Variants in DMD observed in about 807,000 individuals in gnomAD.
DMD encodes the protein dystrophin.
In DMD, 63 loss-of-function variants were observed where a neutral mutation model predicts 330.1. The observed-to-expected ratio is 0.19, with a 90% CI of 0.16 to 0.24. The LOEUF (loss-of-function observed/expected upper bound fraction) is 0.24. DMD is among the 10% of genes least tolerant of loss of function. DMD has a pLI of 1.00. For synonymous variants in DMD, 1,223 were observed against 959.8 expected, an observed-to-expected ratio of 1.27 and a Z score of -5.07; for missense variants, 3,344 against 2,684.1, an observed-to-expected ratio of 1.25 and a Z score of -5.43.
At chrX:32,647,816 C>T (rs182581031) in intron 9 of DMD, among the ~76,000 whole-genome samples, 37 of 111,815 alleles carry the variant, frequency 3.3e-4, no homozygotes, top group African/African-American at 1.1e-3. Context: ...GCATAAATTG[C>T]CCCAAGATTA....
rs1039281632 is a variant in DMD, at chrX:32,464,713, C to G, written c.3163-14G>C. 4 of 1,075,260 alleles carry G rather than the reference C, an allele frequency of 3.7e-6. No individual in the cohort carries two copies. The highest frequency in any genetic ancestry group is 5.2e-6 in the Non-Finnish European group (4 of 773,081). 88.6% of individuals were successfully genotyped at this position (1,075,260 alleles called of 1,213,427 possible). A position where few individuals can be genotyped will look rare whatever the true frequency, so the allele number is the denominator to read the frequency against. ...TTGTATGTGATTCTGAAACGAGACC[C>G]GTTATAAGGCATTACTGGTGTGCTG... On this transcript the variant is annotated splice_polypyrimidine_tract_variant and intron_variant, in intron 23 of 78. Transcript: ENST00000357033.
intron 9 of DMD, among the ~76,000 whole-genome samples, chrX:32,650,757 G>A (rs2060095482): frequency 8.9e-6 from 1 of 111,909 alleles, no homozygotes; most frequent in African/African-American, 3.2e-5. Context: ...CCCTAATGAG[G>A]ATTTAGGAAA....
At chrX:32,006,838 C>G (rs1243916629) in intron 44 of DMD, among the ~76,000 whole-genome samples, 3 of 109,581 alleles carry the variant, frequency 2.7e-5, no homozygotes, top group Non-Finnish European at 5.7e-5. Flanking sequence ...CAATGATAGA[C>G]TGGATTAAGA....
intron 1 of DMD, among the ~76,000 whole-genome samples, chrX:33,070,363 C>T (rs1412769378): frequency 2.7e-5 from 3 of 109,983 alleles, no homozygotes; most frequent in Non-Finnish European, 5.7e-5. Flanking sequence ...CTGGCATTCC[C>T]AGCACTATGA....
chrX:33,220,393 A>G (rs1205948807), intron 1 of DMD, among the ~76,000 whole-genome samples: 1 of 111,808 alleles, frequency 8.9e-6, no homozygotes, highest in African/African-American at 3.3e-5. Flanking sequence ...GGATGAATAG[A>G]TCCTACGCAA....
At chrX:32,491,612 A>G (rs190893608) in intron 19 of DMD, 94 bp from the exon 20 acceptor site, 113 of 847,378 alleles carry the variant, frequency 1.3e-4, no homozygotes, top group Non-Finnish European at 1.9e-4. Context: ...AAAAGTATTC[A>G]CCACATGAAT....
At chrX:31,726,935 A>T (rs980058777) in intron 52 of DMD, among the ~76,000 whole-genome samples, 7 of 111,989 alleles carry the variant, frequency 6.3e-5, no homozygotes, top group African/African-American at 2.3e-4. Context: ...AGAACTATTC[A>T]AATCACTGAA....
intron 48 of DMD, among the ~76,000 whole-genome samples, chrX:31,870,211 C>A (rs1256317017): frequency 8.9e-6 from 1 of 111,874 alleles, no homozygotes. Flanking sequence ...TAGACCTGAC[C>A]TTCCTTTTCT....
At chrX:33,006,329 T>C (rs2093395520) in intron 2 of DMD, among the ~76,000 whole-genome samples, 1 of 111,705 alleles carries the variant, frequency 9.0e-6, no homozygotes, top group Non-Finnish European at 1.9e-5. Context: ...AAACTGACAC[T>C]ATCTGACTAC....
intron 7 of DMD, among the ~76,000 whole-genome samples, chrX:32,728,032 CAATA>C (rs1019553439): frequency 7.2e-5 from 8 of 111,480 alleles, no homozygotes; most frequent in African/African-American, 2.6e-4. Flanking sequence ...CTCTATCAAT[CAATA>C]TTTTCAGAAA....
chrX:32,296,479 T>C (rs1424086286), intron 42 of DMD, among the ~76,000 whole-genome samples: 1 of 111,363 alleles, frequency 9.0e-6, no homozygotes, highest in African/African-American at 3.3e-5. Context: ...ATCTTCAACA[T>C]CCAATTACTA....
intron 16 of DMD, among the ~76,000 whole-genome samples, chrX:32,550,950 C>T (rs148481317): frequency 9.0e-6 from 1 of 110,866 alleles, no homozygotes; most frequent in East Asian, 2.9e-4. Flanking sequence ...GAAATGGAAT[C>T]ATTGAACAGA....
chrX:31,530,647 C>CTTTTTTTTTTTTTTTTTTTTTTTTAT (rs1192286078), intron 55 of DMD, among the ~76,000 whole-genome samples: 1 of 49,845 alleles, frequency 2.0e-5, no homozygotes, highest in Admixed American at 2.6e-4. Context: ...ACTGGTTTCT[C>CTTTTTTTTTTTTTTTTTTTTTTTTAT]TTTTTTTTTT....
Position 32,380,824 on chromosome X carries a change from T to C in DMD, c.4675-144A>G, listed in dbSNP as rs752760814. 13 of 516,130 alleles carry C rather than the reference T, an allele frequency of 2.5e-5. No individual in the cohort carries two copies. The African/African-American group carries it at 2.9e-4, about 11-fold the overall frequency. The allele number at this position is 516,130 out of a possible 1,213,427, so 42.5% of individuals were successfully genotyped here. A position where few individuals can be genotyped will look rare whatever the true frequency, so the allele number is the denominator to read the frequency against. Reference sequence around the variant, plus strand: ...TTAAAATAATATTTTATAAAAATCATATATTCTGAATATTAAGAGTGAATA... The same window carrying C: ...TTAAAATAATATTTTATAAAAATCACATATTCTGAATATTAAGAGTGAATA... On this transcript the variant is annotated intron_variant, in intron 33 of 78. Transcript: ENST00000357033.
chrX:32,303,533 T>C (rs1296487716), intron 42 of DMD, among the ~76,000 whole-genome samples: 1 of 111,470 alleles, frequency 9.0e-6, no homozygotes, highest in Non-Finnish European at 1.9e-5. Context: ...CTAGGCACTA[T>C]TGTCGTCATA....
chrX:31,622,167 C>G (rs758468258), intron 55 of DMD, among the ~76,000 whole-genome samples: 1 of 111,533 alleles, frequency 9.0e-6, no homozygotes, highest in African/African-American at 3.3e-5. Context: ...TCTCATAATG[C>G]TATTATAATT....
chrX:31,967,751 G>T (rs1431743802), intron 45 of DMD, among the ~76,000 whole-genome samples: 1 of 111,494 alleles, frequency 9.0e-6, no homozygotes, highest in East Asian at 2.8e-4. Flanking sequence ...GCACGCATTT[G>T]GCTTTCTGTG....
At position 31,968,320 on chromosome X, in the gene DMD, A is replaced by G. The variant is rs2095368958; in HGVS notation, c.6614+19T>C. 1 of 1,207,435 alleles carries G rather than the reference A, an allele frequency of 8.3e-7. No individual in the cohort carries two copies. On this transcript the variant is annotated intron_variant, in intron 45 of 78. Transcript: ENST00000357033. ...AGTCTGCTAAAATGTTTTCATTCCT[A>G]TTAGATCTGTCGCCCTACCTCTTTT... is the stretch of plus-strand genomic sequence containing the variant.
At position 33,293,449 on chromosome X, in the gene DMD, G is replaced by A. The variant is rs766990132; in HGVS notation, c.7+45810C>T. On this transcript the variant is annotated intron_variant, in intron 1 of 17. Transcript: ENST00000288447. Reference sequence around the variant, plus strand: ...CATACAACTTCCATTTTGTAGTCCAGATGGCTATTCAAGCTCCAATCATCA... The same window carrying A: ...CATACAACTTCCATTTTGTAGTCCAAATGGCTATTCAAGCTCCAATCATCA... Among the ~76,000 whole-genome samples the A allele has an allele frequency of 8.1e-5, 9 of 111,510 alleles. No individual in the cohort carries two copies. In the East Asian group the frequency reaches 2.6e-3, roughly 32 times the overall value.
Sources: gnomAD v4.1 joint callset for allele counts (sites outside exome capture counted in the v4.1 genomes callset) on GRCh38, gnomAD v4.1.1 for gene constraint, MANE v1.5 for transcripts, NCBI Gene and HGNC (gene_info 2026-07-23, HGNC 2026-07-21) for gene names.